The following AUTS2 variants were observed in gnomAD, a reference collection of about 807,000 sequenced individuals.
The protein encoded by AUTS2 is autism susceptibility gene 2 protein.
Under a neutral mutation model 112.4 loss-of-function variants are expected in AUTS2, and 17 were observed. The observed-to-expected ratio is 0.15, with a 90% CI of 0.10 to 0.23. The LOEUF is 0.23. Ranked by LOEUF, AUTS2 falls within the 10% of genes least tolerant of loss-of-function variation. The pLI is 1.00. For synonymous variants in AUTS2, 751 were observed against 702.7 expected (o/e 1.07, Z -1.09); for missense variants, 1,510 against 1,701.6 (o/e 0.89, Z 1.98).
intron 4 of AUTS2, among the ~76,000 whole-genome samples, chr7:70,263,278 T>G (rs538022963): frequency 6.6e-6 from 1 of 152,308 alleles, no homozygotes; most frequent in Non-Finnish European, 1.5e-5. Flanking sequence ...CATCCTTGGG[T>G]CAGTGTAGTA....
chr7:69,612,040 T>C (rs1793067884), intron 1 of AUTS2, among the ~76,000 whole-genome samples: 1 of 152,080 alleles, frequency 6.6e-6, no homozygotes, highest in Non-Finnish European at 1.5e-5. Context: ...CTTTTATCTA[T>C]ATTTCAAAAC....
At chr7:70,162,600 T>G (rs944642101) in intron 4 of AUTS2, among the ~76,000 whole-genome samples, 3 of 152,064 alleles carry the variant, frequency 2.0e-5, no homozygotes, top group African/African-American at 7.2e-5. Context: ...CTGTGTTAAC[T>G]CTTTAATTTT....
intron 5 of AUTS2, among the ~76,000 whole-genome samples, chr7:70,675,914 C>T (rs1007083130): frequency 6.6e-6 from 1 of 152,178 alleles, no homozygotes; most frequent in Non-Finnish European, 1.5e-5. Flanking sequence ...AGCTGAAGCA[C>T]TGACAAGCCC....
chr7:69,828,064 A>T (rs1333623369), intron 1 of AUTS2, among the ~76,000 whole-genome samples: 1 of 152,218 alleles, frequency 6.6e-6, no homozygotes, highest in Admixed American at 6.5e-5. Flanking sequence ...ATTGCTGTGG[A>T]GGAGATGTCA....
At chr7:69,857,493 G>A (rs960139512) in intron 1 of AUTS2, among the ~76,000 whole-genome samples, 1 of 152,160 alleles carries the variant, frequency 6.6e-6, no homozygotes. Context: ...CTGATAATAG[G>A]CAGATTATAA....
chr7:70,050,666 C>T (rs755768570), intron 2 of AUTS2, among the ~76,000 whole-genome samples: 5 of 152,086 alleles, frequency 3.3e-5, no homozygotes, highest in Non-Finnish European at 4.4e-5. Flanking sequence ...CCCCATCCCA[C>T]TCCAGATTCT....
In AUTS2 at chr7:70,217,779, C is replaced by T. The variant is rs117455060; in HGVS notation, c.660+83208C>T. On this transcript the variant is annotated intron_variant, in intron 4 of 18. Transcript: ENST00000342771. Reference sequence around the variant, plus strand: ...ATTTCCTGATCCCAGGTTGCAGCTTCGCTAGTGCATTTGTAGCTGGGCTGC... The same window carrying T: ...ATTTCCTGATCCCAGGTTGCAGCTTTGCTAGTGCATTTGTAGCTGGGCTGC... Among the ~76,000 whole-genome samples, 1,007 of 152,282 alleles carry T rather than the reference C, an allele frequency of 6.6e-3. 9 individuals carry two copies. The highest frequency in any genetic ancestry group is 0.011 in the Non-Finnish European group (779 of 68,022).
chr7:69,744,088 G>A (rs1331986478), intron 1 of AUTS2, among the ~76,000 whole-genome samples: 1 of 152,026 alleles, frequency 6.6e-6, no homozygotes, highest in African/African-American at 2.4e-5. Flanking sequence ...GAACCACCAC[G>A]CCTGGCCAGC....
chr7:70,675,280 A>G (rs1482287859), intron 5 of AUTS2, among the ~76,000 whole-genome samples: 2 of 152,084 alleles, frequency 1.3e-5, no homozygotes, highest in Admixed American at 1.3e-4. Flanking sequence ...ATGGCTTGAG[A>G]TCAGGAGTTT....
intron 5 of AUTS2, among the ~76,000 whole-genome samples, chr7:70,581,617 T>C (rs754618345): frequency 1.3e-4 from 20 of 152,158 alleles, no homozygotes; most frequent in Non-Finnish European, 2.2e-4. Context: ...TTTGGAAATG[T>C]ATGCTGTTTG....
chr7:70,605,546 C>CTTTTTTTTTTTTTTTTTTTTTTTTT, intron 5 of AUTS2, among the ~76,000 whole-genome samples: 31 of 70,664 alleles, frequency 4.4e-4, no homozygotes, highest in African/African-American at 9.9e-4. Context: ...CCTTCTTTCT[C>CTTTTTTTTTTTTTTTTTTTTTTTTT]TTTTTTTTTT....
rs1276016451 is a variant in AUTS2, at chr7:70,154,212, C to T, written c.660+19641C>T. 2.6e-5 allele frequency among the ~76,000 whole-genome samples: 4 copies of T among 152,142 alleles called. No homozygotes were observed. In the East Asian group the frequency reaches 7.7e-4, roughly 29 times the overall value. On this transcript the variant is annotated intron_variant, in intron 4 of 18. Coordinates refer to ENST00000342771, the MANE Select transcript of AUTS2 (RefSeq NM_015570.4). ...TATCCAAATCACCTTTTACCTATGT[C>T]ACTATGTCATTTCCTGAAGAAAAAA...
At chr7:70,255,596 G>A (rs1786824713) in intron 4 of AUTS2, among the ~76,000 whole-genome samples, 1 of 152,164 alleles carries the variant, frequency 6.6e-6, no homozygotes, top group Admixed American at 6.5e-5. Context: ...GCTTATATGG[G>A]AAGAACTTTT....
In AUTS2 at chr7:69,682,120, A is replaced by C. The variant is rs546387895; in HGVS notation, c.309+82158A>C. Among the ~76,000 whole-genome samples, 11 of 152,316 alleles carry C rather than the reference A, an allele frequency of 7.2e-5. No individual in the cohort carries two copies. The South Asian group carries it at 2.3e-3, about 32-fold the overall frequency. On this transcript the variant is annotated intron_variant, in intron 1 of 18. Coordinates refer to ENST00000342771, the MANE Select transcript of AUTS2 (RefSeq NM_015570.4). The stretch of plus-strand genomic sequence containing the variant: ...ACTCTTAATTATCATATAATATGCT[A>C]ATTATGATGGTGGTAAATGAGTGAG...
At chr7:70,588,689 T>C (rs553647763) in intron 5 of AUTS2, among the ~76,000 whole-genome samples, 1 of 152,326 alleles carries the variant, frequency 6.6e-6, no homozygotes, top group African/African-American at 2.4e-5. Flanking sequence ...TTTATGGGAC[T>C]TGTAGCCGTT....
At chr7:70,004,331 A>ATATGAATATATATTCATATATATATTATG (rs1237503036) in intron 2 of AUTS2, among the ~76,000 whole-genome samples, 19 of 133,458 alleles carry the variant, frequency 1.4e-4, no homozygotes, top group South Asian at 1.4e-3. Context: ...TATAATATAT[A>ATATGAATATATATTCATATATATATTATG]TATGAATATA....
rs1808618953 is a variant in AUTS2, at chr7:70,170,503, AG to A, written c.660+35933del. Among the ~76,000 whole-genome samples the A allele has an allele frequency of 3.3e-5, 5 of 151,978 alleles. No individual in the cohort carries two copies. The South Asian group carries it at 8.3e-4, about 25-fold the overall frequency. On this transcript the variant is annotated intron_variant, in intron 4 of 18. Coordinates refer to ENST00000342771, the MANE Select transcript of AUTS2 (RefSeq NM_015570.4). Reference sequence around the variant, plus strand: ...ATATTATTTCCATTTCTATTTTGGTAGTAAAGGTAAATGAACAAGCATTATA... The same window carrying A: ...ATATTATTTCCATTTCTATTTTGGTATAAAGGTAAATGAACAAGCATTATA...
chr7:69,923,878 A>C (rs1795907590), intron 2 of AUTS2, among the ~76,000 whole-genome samples: 1 of 152,170 alleles, frequency 6.6e-6, no homozygotes, highest in Non-Finnish European at 1.5e-5. Flanking sequence ...ATGGATGATC[A>C]TATTTTTAGT....
chr7:70,289,330 A>G (rs1788604913), intron 4 of AUTS2, among the ~76,000 whole-genome samples: 2 of 152,216 alleles, frequency 1.3e-5, no homozygotes, highest in African/African-American at 4.8e-5. Flanking sequence ...GATGCATCAG[A>G]GTATTCTGAG....
Sources: gnomAD v4.1 joint callset for allele counts (sites outside exome capture counted in the v4.1 genomes callset) on GRCh38, gnomAD v4.1.1 for gene constraint, MANE v1.5 for transcripts, NCBI Gene and HGNC (gene_info 2026-07-23, HGNC 2026-07-21) for gene names.